Variants in ASZ1 observed in about 807,000 individuals in gnomAD.
The protein encoded by ASZ1 is ankyrin repeat, SAM and basic leucine zipper domain containing 1, also known as ankyrin repeat, SAM and basic leucine zipper domain-containing protein 1.
Under a neutral mutation model 61.8 loss-of-function variants are expected in ASZ1, and 67 were observed. That is an observed-to-expected ratio of 1.08 (90% CI 0.89 to 1.33). The LOEUF (loss-of-function observed/expected upper bound fraction) is 1.33. Among genes scored for constraint, ASZ1 ranks in the 40% most tolerant of loss-of-function variants. The pLI is 0.00. For synonymous variants in ASZ1, 193 were observed against 192.7 expected (o/e 1.00, Z -0.01); for missense variants, 577 against 554.5 (o/e 1.04, Z -0.41).
chr7:117,420,338 AC>A, intron 3 of ASZ1, 64 bp from the exon 4 acceptor site: 1 of 1,127,888 alleles, frequency 8.9e-7, no homozygotes, highest in Non-Finnish European at 1.3e-6. Flanking sequence ...CGATGTCTTT[AC>A]CACTCAAAAC....
intron 10 of ASZ1, 51 bp downstream of exon 10, chr7:117,379,887 A>T (rs763836510): frequency 8.4e-7 from 1 of 1,190,162 alleles, no homozygotes; most frequent in African/African-American, 1.6e-5. Flanking sequence ...ACTAAAAAGA[A>T]CAATTGGTTC....
At chr7:117,404,926 C>CA (rs1395850005) in intron 4 of ASZ1, among the ~76,000 whole-genome samples, 5 of 152,124 alleles carry the variant, frequency 3.3e-5, no homozygotes, top group African/African-American at 4.8e-5. Flanking sequence ...ATCCCATTGA[C>CA]AGAGAAACCA....
chr7:117,378,641 G>T (rs1392382389), intron 10 of ASZ1, among the ~76,000 whole-genome samples: 1 of 152,014 alleles, frequency 6.6e-6, no homozygotes, highest in Non-Finnish European at 1.5e-5. Context: ...TACTAAATAT[G>T]CAACCACCGT....
intron 4 of ASZ1, among the ~76,000 whole-genome samples, chr7:117,403,297 G>A (rs1796715285): frequency 1.3e-5 from 2 of 152,090 alleles, no homozygotes; most frequent in Non-Finnish European, 2.9e-5. Context: ...TTTTGCACAG[G>A]CCATACAGGG....
chr7:117,384,251 C>T (rs544575885), intron 6 of ASZ1, among the ~76,000 whole-genome samples: 3 of 152,096 alleles, frequency 2.0e-5, no homozygotes, highest in African/African-American at 7.2e-5. Context: ...ATTATACATC[C>T]AGGTATATTA....
intron 4 of ASZ1, among the ~76,000 whole-genome samples, chr7:117,396,193 T>C (rs1341833893): frequency 2.6e-5 from 4 of 152,228 alleles, no homozygotes; most frequent in Admixed American, 2.6e-4. Flanking sequence ...GAGATAATAA[T>C]ATTCAGTAAC....
At chr7:117,420,666 ACTC>A in intron 3 of ASZ1, among the ~76,000 whole-genome samples, 2 of 151,882 alleles carry the variant, frequency 1.3e-5, no homozygotes, top group South Asian at 4.2e-4. Context: ...CCATTTGAAA[ACTC>A]CTGAAATCTG....
At chr7:117,403,535 C>G (rs1796719457) in intron 4 of ASZ1, among the ~76,000 whole-genome samples, 1 of 152,238 alleles carries the variant, frequency 6.6e-6, no homozygotes, top group South Asian at 2.1e-4. Context: ...TTTGGAGGGT[C>G]AAGCCTGACA....
chr7:117,365,053 T>C (rs1473041202), intron 12 of ASZ1, among the ~76,000 whole-genome samples: 1 of 152,130 alleles, frequency 6.6e-6, no homozygotes, highest in Non-Finnish European at 1.5e-5. Flanking sequence ...TGAAATAATA[T>C]AAGCTTAACA....
chr7:117,376,047 T>A (rs146995433), intron 10 of ASZ1, among the ~76,000 whole-genome samples: 3 of 148,500 alleles, frequency 2.0e-5, no homozygotes, highest in East Asian at 2.0e-4. Context: ...TGAAAAAAAA[T>A]GCATAAACCT....
At chr7:117,367,998 C>T (rs1584715382) in intron 11 of ASZ1, 1 of 538,482 alleles carries the variant, frequency 1.9e-6, no homozygotes, top group South Asian at 8.1e-5. Flanking sequence ...CCTCCTGCCT[C>T]AGCCTCCTGA....
At chr7:117,422,154 T>C (rs1180860134) in intron 3 of ASZ1, 83 bp downstream of exon 3, 12 of 1,473,112 alleles carry the variant, frequency 8.1e-6, no homozygotes, top group East Asian at 2.3e-5. Flanking sequence ...ATGGCTTTAG[T>C]TTTTTGCACT....
rs555094007 is a variant in ASZ1, at chr7:117,392,901, C to A, written c.441-7092G>T. On this transcript the variant is annotated intron_variant, in intron 4 of 12. Coordinates refer to ENST00000284629, the MANE Select transcript of ASZ1 (RefSeq NM_130768.3). Reference sequence around the variant, plus strand: ...TCACTCTGTTGCCCAGGCTGGAGTGCAGTGGCACAATCTCTGCTTACTGCA... The same window carrying A: ...TCACTCTGTTGCCCAGGCTGGAGTGAAGTGGCACAATCTCTGCTTACTGCA... Among the ~76,000 whole-genome samples, 445 of 148,718 alleles carry A rather than the reference C, an allele frequency of 3.0e-3. 2 individuals are homozygous for A. The highest frequency in any genetic ancestry group is 4.7e-3 in the Admixed American group (70 of 14,918).
intron 11 of ASZ1, chr7:117,367,850 TGAA>T: frequency 7.1e-6 from 7 of 986,652 alleles, no homozygotes. Flanking sequence ...CCTAATCACA[TGAA>T]ATAAGCTGCT....
Position 117,427,423 on chromosome 7 carries a change from C to T in ASZ1, c.38G>A (p.Gly13Asp), listed in dbSNP as rs373494216. 6.2e-7 allele frequency: 1 copy of T among 1,614,152 alleles called. No individual in the cohort carries two copies. Among genetic ancestry groups the T allele is most frequent in the Non-Finnish European group, 8.5e-7 (1 of 1,180,022 alleles). ...CTCGCTCTCGCTACTCTCGCCTCCG[C>T]CAGCCACTGGCAGGCCTCGCAGCGC... is the stretch of plus-strand genomic sequence containing the variant. Reference protein sequence around the residue: ...ASALRGLPVAGGGESSESEDD... With the variant: ...ASALRGLPVADGGESSESEDD... The change falls in exon 1 of 13, where the codon GGC becomes GAC. Residue 13 changes from glycine (G) to aspartate (D), a missense_variant. By Grantham distance (94) the Gly-to-Asp change is moderately conservative. Transcript: ENST00000284629.
chr7:117,426,488 C>CAAAAAAAAAAAAAAAAA (rs10625452), intron 2 of ASZ1, among the ~76,000 whole-genome samples: 9 of 34,006 alleles, frequency 2.6e-4, no homozygotes, highest in African/African-American at 5.1e-4. Flanking sequence ...GATAACATCT[C>CAAAAAAAAAAAAAAAAA]AAAAAAAAAA....
intron 11 of ASZ1, chr7:117,367,764 A>G (rs1795971239): frequency 2.1e-6 from 2 of 955,326 alleles, no homozygotes; most frequent in Middle Eastern, 5.0e-4. Context: ...GATGATTCTC[A>G]TATTAATTGA....
At chr7:117,415,654 C>T (rs950542113) in intron 4 of ASZ1, among the ~76,000 whole-genome samples, 7 of 151,504 alleles carry the variant, frequency 4.6e-5, no homozygotes, top group African/African-American at 1.5e-4. Context: ...TGTTTTCAGG[C>T]GTCTACTAGG....
At chr7:117,382,507 C>CA (rs1796274727) in intron 7 of ASZ1, among the ~76,000 whole-genome samples, 1 of 150,414 alleles carries the variant, frequency 6.6e-6, no homozygotes, top group Non-Finnish European at 1.5e-5. Flanking sequence ...AAAAAACCCA[C>CA]AAAAAACAAA....
Sources: allele counts gnomAD v4.1 joint callset (sites outside exome capture counted in the v4.1 genomes callset), GRCh38; gene constraint gnomAD v4.1.1; transcripts MANE v1.5; gene names NCBI Gene and HGNC (gene_info 2026-07-23, HGNC 2026-07-21).